The following PPFIBP1 variants were observed in gnomAD, a reference collection of about 807,000 sequenced individuals.
PPFIBP1 encodes PPFIB scaffold protein 1.
A neutral mutation model predicts 137.8 loss-of-function variants in PPFIBP1; 112 were observed. The ratio of observed to expected loss-of-function variants is 0.81; its 90% CI spans 0.70 to 0.95. The LOEUF (loss-of-function observed/expected upper bound fraction) is 0.95, where lower values mean the gene tolerates loss of function less well. Ranked by LOEUF, PPFIBP1 falls within the 40% of genes least tolerant of loss-of-function variation. The pLI is 0.00. For synonymous variants in PPFIBP1, 378 were observed against 417.3 expected (o/e 0.91, Z 1.15); for missense variants, 1,083 against 1,196.6 (o/e 0.91, Z 1.40).
chr12:27,537,435 G>A (rs946289256), intron 1 of PPFIBP1, among the ~76,000 whole-genome samples: 12 of 151,956 alleles, frequency 7.9e-5, no homozygotes, highest in South Asian at 2.1e-4. Context: ...CCGGCCCCCC[G>A]TTTCCTTATT....
chr12:27,537,481 T>A (rs1432428622), intron 1 of PPFIBP1, among the ~76,000 whole-genome samples: 2 of 151,938 alleles, frequency 1.3e-5, no homozygotes, highest in Non-Finnish European at 2.9e-5. Flanking sequence ...TCCAAGTAAG[T>A]TTGGTTCCAG....
At chr12:27,550,045 G>A (rs1946610659) in intron 1 of PPFIBP1, among the ~76,000 whole-genome samples, 1 of 152,168 alleles carries the variant, frequency 6.6e-6, no homozygotes. Context: ...TATTGTGAAG[G>A]GTTTAATGGA....
intron 26 of PPFIBP1, among the ~76,000 whole-genome samples, 169 bp downstream of exon 26, chr12:27,688,592 C>T (rs2061332967): frequency 6.6e-6 from 1 of 152,168 alleles, no homozygotes; most frequent in African/African-American, 2.4e-5. Flanking sequence ...TATCTTATAA[C>T]TCTAGATTGA....
At chr12:27,538,799 G>A (rs1392153661) in intron 1 of PPFIBP1, among the ~76,000 whole-genome samples, 1 of 152,210 alleles carries the variant, frequency 6.6e-6, no homozygotes, top group Non-Finnish European at 1.5e-5. Context: ...ATGGAATGGT[G>A]GATCTTGGGC....
rs1426432697 is a variant in PPFIBP1, at chr12:27,656,703, G to A, written c.784G>A (p.Gly262Arg). Residue 262 changes from glycine (G) to arginine (R), a missense_variant, in exon 9 of 30, where the codon GGA becomes AGA. Physicochemically the swap from Gly to Arg is moderately radical, Grantham distance 125. Coordinates refer to ENST00000228425, the MANE Select transcript of PPFIBP1 (RefSeq NM_003622.4). ...LQEKLVCKMK[G>R]EGVEIVDRDE... ...AGAAAAATTGGTTTGCAAGATGAAAGGAGAAGGGGTTGAAATTGTTGATAG... is the reference window on the plus strand; with the variant it reads ...AGAAAAATTGGTTTGCAAGATGAAAAGAGAAGGGGTTGAAATTGTTGATAG... The A allele has an allele frequency of 6.2e-7, 1 of 1,609,860 alleles. No homozygotes were observed. The highest frequency in any genetic ancestry group is 1.3e-5 in the African/African-American group (1 of 74,792).
At chr12:27,675,896 G>A (rs1454827355) in intron 17 of PPFIBP1, among the ~76,000 whole-genome samples, 1 of 152,166 alleles carries the variant, frequency 6.6e-6, no homozygotes, top group African/African-American at 2.4e-5. Context: ...ATTCTTTGAG[G>A]AGAATATTTA....
chr12:27,568,810 A>G (rs7966058), intron 1 of PPFIBP1, among the ~76,000 whole-genome samples: 96,896 of 152,014 alleles, frequency 0.64, 31,214 homozygotes, highest in African/African-American at 0.72. Context: ...AGGGATTTTT[A>G]CTAAACTTTC....
At chr12:27,599,449 G>C in intron 2 of PPFIBP1, 1 of 455,800 alleles carries the variant, frequency 2.2e-6, no homozygotes, top group Non-Finnish European at 4.4e-6. Flanking sequence ...GCAGTTAGCA[G>C]ATCTTGGGAC....
intron 2 of PPFIBP1, among the ~76,000 whole-genome samples, chr12:27,584,569 A>G (rs142094354): frequency 2.9e-3 from 449 of 152,364 alleles, no homozygotes; most frequent in African/African-American, 0.01. Flanking sequence ...TAATAGAAGC[A>G]AAATAATCCC....
intron 2 of PPFIBP1, among the ~76,000 whole-genome samples, chr12:27,588,443 T>C (rs2052055757): frequency 6.6e-6 from 1 of 152,216 alleles, no homozygotes; most frequent in South Asian, 2.1e-4. Context: ...TTCCATCCCA[T>C]GTCCTGCTTG....
chr12:27,596,110 A>ACACACGCG (rs1565839006), intron 2 of PPFIBP1, among the ~76,000 whole-genome samples: 2 of 32,716 alleles, frequency 6.1e-5, no homozygotes, highest in South Asian at 1.4e-3. Flanking sequence ...ACACACACAT[A>ACACACGCG]TGCTTACAAA....
At chr12:27,585,990 T>C (rs1366538377) in intron 2 of PPFIBP1, among the ~76,000 whole-genome samples, 5 of 152,226 alleles carry the variant, frequency 3.3e-5, no homozygotes, top group Non-Finnish European at 7.3e-5. Context: ...TTGCTTGGAC[T>C]TTATTCTGTA....
At chr12:27,612,595 C>A (rs1340067918) in intron 2 of PPFIBP1, among the ~76,000 whole-genome samples, 1 of 152,010 alleles carries the variant, frequency 6.6e-6, no homozygotes, top group Non-Finnish European at 1.5e-5. Flanking sequence ...GCGAGCCTCC[C>A]GTCTCAGCCT....
intron 1 of PPFIBP1, among the ~76,000 whole-genome samples, chr12:27,545,072 A>G (rs1368352625): frequency 6.6e-6 from 1 of 152,254 alleles, no homozygotes; most frequent in Admixed American, 6.5e-5. Flanking sequence ...GAATGAGTTC[A>G]TGTCCTTTCA....
At chr12:27,681,440 A>C in intron 21 of PPFIBP1, 106 bp from the exon 22 acceptor site, 1 of 1,296,076 alleles carries the variant, frequency 7.7e-7, no homozygotes, top group Non-Finnish European at 1.1e-6. Context: ...AATGTGTATC[A>C]CCAGGGAATT....
At chr12:27,610,227 T>A (rs1013462235) in intron 2 of PPFIBP1, among the ~76,000 whole-genome samples, 1 of 152,222 alleles carries the variant, frequency 6.6e-6, no homozygotes, top group African/African-American at 2.4e-5. Flanking sequence ...GGAACTCCCT[T>A]GTAGCCCAGT....
intron 2 of PPFIBP1, among the ~76,000 whole-genome samples, chr12:27,587,388 G>A (rs1257929623): frequency 1.3e-5 from 2 of 152,024 alleles, no homozygotes; most frequent in African/African-American, 2.4e-5. Context: ...TTGGGAGGCC[G>A]AGGCGGGCGG....
intron 4 of PPFIBP1, among the ~76,000 whole-genome samples, chr12:27,645,567 G>A (rs2058416573): frequency 6.6e-6 from 1 of 152,158 alleles, no homozygotes; most frequent in South Asian, 2.1e-4. Context: ...TGGAATAGAA[G>A]GTAACGTTAT....
chr12:27,571,425 C>T (rs16932198), intron 1 of PPFIBP1, among the ~76,000 whole-genome samples: 2,499 of 152,122 alleles, frequency 0.016, 67 homozygotes, highest in African/African-American at 0.057. Flanking sequence ...CAATCTGGTC[C>T]GTGGTAAAAT....
Sources: allele counts gnomAD v4.1 joint callset (sites outside exome capture counted in the v4.1 genomes callset), GRCh38; gene constraint gnomAD v4.1.1; transcripts MANE v1.5; gene names NCBI Gene and HGNC (gene_info 2026-07-23, HGNC 2026-07-21).